TP53BP1: variants seen among roughly 807,000 people sequenced by gnomAD.
The protein encoded by TP53BP1 is tumor protein p53 binding protein 1.
A neutral mutation model predicts 200.8 loss-of-function variants in TP53BP1; 61 were observed. The ratio of observed to expected loss-of-function variants is 0.30; its 90% confidence interval spans 0.25 to 0.38. TP53BP1 has a LOEUF of 0.38. Ranked by LOEUF, TP53BP1 falls within the 10% of genes least tolerant of loss-of-function variation. The pLI is 1.00. For missense variants in TP53BP1, 2,144 were observed against 2,371.9 expected (o/e 0.90, Z 2.00); for synonymous variants, 822 against 844.3 (o/e 0.97, Z 0.46).
chr15:43,491,956 A>T, intron 3 of TP53BP1, 46 bp downstream of exon 3: 1 of 1,438,802 alleles, frequency 7.0e-7, no homozygotes, highest in Non-Finnish European at 9.8e-7. Context: ...CACCAACAAG[A>T]GCACCCAAAA....
Position 43,447,488 on chromosome 15 carries a change from G to GAAAAAAAAAAAAAAAAAA in TP53BP1, c.2717-4_2717-3insTTTTTTTTTTTTTTTTTT. ...CAAAGTGAAATGAAATGGGGTTTCT[G>GAAAAAAAAAAAAAAAAAA]AAAAAAAAAAAAAAAAGAAAAAAGA... On this transcript the variant is annotated splice_region_variant and splice_polypyrimidine_tract_variant and intron_variant, in intron 12 of 27. Transcript: ENST00000382044. The GAAAAAAAAAAAAAAAAAA allele has an allele frequency of 4.2e-6, 4 of 954,470 alleles. No homozygotes were observed. Among genetic ancestry groups the GAAAAAAAAAAAAAAAAAA allele is most frequent in the African/African-American group, 3.0e-5 (1 of 33,840 alleles). 59.1% of individuals were successfully genotyped at this position (954,470 alleles called of 1,614,324 possible).
At position 43,405,090 on chromosome 15, in the gene TP53BP1, C is replaced by CTTCAG; in HGVS notation, c.*2288_*2292dup. The CTTCAG allele has an allele frequency of 7.9e-7, 1 of 1,272,504 alleles. No homozygotes were observed. 78.8% of individuals were successfully genotyped at this position (1,272,504 alleles called of 1,614,324 possible). A position where few individuals can be genotyped will look rare whatever the true frequency, so the allele number is the denominator to read the frequency against. On this transcript the variant is annotated 3_prime_UTR_variant, in exon 28 of 28. Coordinates refer to ENST00000382044, the MANE Select transcript of TP53BP1 (RefSeq NM_001141980.3). The stretch of plus-strand genomic sequence containing the variant: ...TGTAGCAGAAGAGTCAAAAGAAACT[C>CTTCAG]TTCAGTTTTAAGATGACATTATTTA...
intron 22 of TP53BP1, 49 bp downstream of exon 22, chr15:43,416,176 A>G: frequency 2.0e-6 from 3 of 1,524,504 alleles, no homozygotes; most frequent in South Asian, 2.4e-5. Context: ...CTCCCACTGT[A>G]AGCAGAACAG....
intron 10 of TP53BP1, among the ~76,000 whole-genome samples, chr15:43,474,290 C>A (rs940871535): frequency 6.6e-6 from 1 of 152,100 alleles, no homozygotes; most frequent in Admixed American, 6.5e-5. Flanking sequence ...GCTGAGGGAG[C>A]GGGCTCCAGC....
At chr15:43,466,042 T>G (rs1233145540) in intron 11 of TP53BP1, among the ~76,000 whole-genome samples, 1 of 152,188 alleles carries the variant, frequency 6.6e-6, no homozygotes, top group African/African-American at 2.4e-5. Context: ...ATTTCCAATC[T>G]AGAATTCTAT....
chr15:43,458,101 T>C (rs937784214), intron 11 of TP53BP1, among the ~76,000 whole-genome samples: 27 of 151,816 alleles, frequency 1.8e-4, no homozygotes, highest in African/African-American at 6.5e-4. Flanking sequence ...GAAATACAAA[T>C]TAAAATCACA....
intron 12 of TP53BP1, among the ~76,000 whole-genome samples, chr15:43,450,344 T>G (rs1365211267): frequency 1.3e-5 from 2 of 152,226 alleles, no homozygotes; most frequent in Non-Finnish European, 2.9e-5. Flanking sequence ...TAAGAATTTA[T>G]TAAAAGCCAT....
At chr15:43,441,712 C>CTAG in intron 14 of TP53BP1, 129 bp from the exon 15 acceptor site, 1 of 645,316 alleles carries the variant, frequency 1.5e-6, no homozygotes, top group Non-Finnish European at 2.8e-6. Flanking sequence ...ATAAGTAAAA[C>CTAG]TAGTAAGTAT....
chr15:43,439,630 T>A (rs1011266624), intron 15 of TP53BP1, among the ~76,000 whole-genome samples: 1 of 152,204 alleles, frequency 6.6e-6, no homozygotes, highest in African/African-American at 2.4e-5. Flanking sequence ...TTTGTTAGAG[T>A]GAACACAATA....
intron 16 of TP53BP1, among the ~76,000 whole-genome samples, chr15:43,435,550 A>C (rs919303327): frequency 4.6e-5 from 7 of 152,232 alleles, no homozygotes; most frequent in African/African-American, 1.7e-4. Context: ...TGTTAAAATC[A>C]CATGATTTCA....
chr15:43,483,233 A>AACACACACACACACACACACACAC (rs71431896), intron 4 of TP53BP1, among the ~76,000 whole-genome samples: 1 of 142,728 alleles, frequency 7.0e-6, no homozygotes, highest in South Asian at 2.3e-4. Flanking sequence ...AAAAGTACAG[A>AACACACACACACACACACACACAC]ACACACACAC....
intron 16 of TP53BP1, among the ~76,000 whole-genome samples, chr15:43,433,520 T>C (rs1488654045): frequency 6.6e-6 from 1 of 152,362 alleles, no homozygotes; most frequent in African/African-American, 2.4e-5. Flanking sequence ...TTAAAACACC[T>C]AACTCACAGC....
intron 12 of TP53BP1, among the ~76,000 whole-genome samples, chr15:43,454,764 C>A (rs938499851): frequency 6.6e-6 from 1 of 151,732 alleles, no homozygotes; most frequent in Non-Finnish European, 1.5e-5. Flanking sequence ...CAGAGTCTCA[C>A]TCTGTTGCCC....
chr15:43,438,204 G>A (rs1371611897), intron 16 of TP53BP1, 120 bp downstream of exon 16: 2 of 755,590 alleles, frequency 2.6e-6, no homozygotes, highest in Non-Finnish European at 4.3e-6. Context: ...CTGTTGCACT[G>A]GGGGTTAAGT....
chr15:43,418,449 C>A (rs537019377), intron 21 of TP53BP1, among the ~76,000 whole-genome samples: 4 of 151,312 alleles, frequency 2.6e-5, no homozygotes, highest in African/African-American at 7.3e-5. Flanking sequence ...TTGCAGTGAG[C>A]CAAGATCACG....
intron 14 of TP53BP1, among the ~76,000 whole-genome samples, chr15:43,444,924 A>C (rs2046007919): frequency 6.6e-6 from 1 of 152,136 alleles, no homozygotes. Flanking sequence ...TGGAGGTTGC[A>C]AATTTTTTTT....
chr15:43,419,295 C>A (rs536295291), intron 21 of TP53BP1, among the ~76,000 whole-genome samples: 91 of 152,286 alleles, frequency 6.0e-4, no homozygotes, highest in African/African-American at 2.2e-3. Context: ...TCAGTGATGT[C>A]ATGTGGATAC....
chr15:43,448,925 G>C (rs1443906245), intron 12 of TP53BP1, among the ~76,000 whole-genome samples: 1 of 152,066 alleles, frequency 6.6e-6, no homozygotes, highest in Admixed American at 6.6e-5. Flanking sequence ...TCAGAAGTTC[G>C]AGACCAGCCT....
At chr15:43,464,393 A>G (rs2046514685) in intron 11 of TP53BP1, among the ~76,000 whole-genome samples, 1 of 152,244 alleles carries the variant, frequency 6.6e-6, no homozygotes, top group Admixed American at 6.5e-5. Flanking sequence ...GTAGAAATTA[A>G]TAACTAAGAG....
Sources: gnomAD v4.1 joint callset for allele counts (sites outside exome capture counted in the v4.1 genomes callset) on GRCh38, gnomAD v4.1.1 for gene constraint, MANE v1.5 for transcripts, NCBI Gene and HGNC (gene_info 2026-07-23, HGNC 2026-07-21) for gene names.